The following C8orf34 variants were observed in gnomAD, a reference collection of about 807,000 sequenced individuals.
C8orf34 encodes the protein uncharacterized protein C8orf34.
Under a neutral mutation model 68.3 loss-of-function variants are expected in C8orf34, and 65 were observed. That is an observed-to-expected ratio of 0.95 (90% CI 0.78 to 1.17). The LOEUF is 1.17. C8orf34 is among the 50% of genes most tolerant of loss of function. The probability of loss-of-function intolerance (pLI) is 0.00; values close to 1 mark genes in which losing one functional copy is unlikely to be tolerated. For synonymous variants in C8orf34, 244 were observed against 241.2 expected, an observed-to-expected ratio of 1.01 and a Z score of -0.11; for missense variants, 664 against 655.4, an observed-to-expected ratio of 1.01 and a Z score of -0.14.
chr8:68,488,148 C>G (rs1222234386), intron 5 of C8orf34, 97 bp downstream of exon 5: 2 of 866,966 alleles, frequency 2.3e-6, no homozygotes, highest in Non-Finnish European at 3.5e-6. Context: ...ATAAAATGTT[C>G]AAGTATAATT....
chr8:68,740,604 T>G (rs1822261093), intron 10 of C8orf34, among the ~76,000 whole-genome samples: 1 of 152,140 alleles, frequency 6.6e-6, no homozygotes, highest in Admixed American at 6.6e-5. Flanking sequence ...CTGGTGGGGT[T>G]GCAGAGAAAA....
At chr8:68,605,962 G>C (rs868782389) in intron 7 of C8orf34, among the ~76,000 whole-genome samples, 5 of 152,162 alleles carry the variant, frequency 3.3e-5, no homozygotes, top group South Asian at 2.1e-4. Flanking sequence ...TGGTGTGTGT[G>C]GGGGGCAGGA....
intron 12 of C8orf34, among the ~76,000 whole-genome samples, chr8:68,804,279 T>C (rs898451931): frequency 7.2e-5 from 11 of 152,184 alleles, no homozygotes; most frequent in Admixed American, 3.3e-4. Flanking sequence ...AAAATACCCC[T>C]GAGGACAGAT....
intron 10 of C8orf34, among the ~76,000 whole-genome samples, chr8:68,727,646 C>G (rs1821870814): frequency 6.6e-6 from 1 of 152,246 alleles, no homozygotes. Context: ...CTTCCGAAAT[C>G]TAGGCAGAAG....
rs559461678 is a variant in C8orf34 at position 68,490,079 on chromosome 8, G to C, written c.765+2028G>C. On this transcript the variant is annotated intron_variant, in intron 5 of 13. Coordinates refer to ENST00000518698, the MANE Select transcript of C8orf34 (RefSeq NM_052958.4). ...TCTGCTTTTCTAGTCCCCCCTCTGTGTGCCTGTCATTGTCTCACCCCAGCT... is the reference window on the plus strand; with the variant it reads ...TCTGCTTTTCTAGTCCCCCCTCTGTCTGCCTGTCATTGTCTCACCCCAGCT... Among the ~76,000 whole-genome samples, 9 of 152,198 alleles carry C rather than the reference G, an allele frequency of 5.9e-5. No individual in the cohort carries two copies. The East Asian group carries it at 1.7e-3, about 29-fold the overall frequency.
chr8:68,629,259 T>C (rs1238488267), intron 7 of C8orf34, among the ~76,000 whole-genome samples: 1 of 152,162 alleles, frequency 6.6e-6, no homozygotes, highest in African/African-American at 2.4e-5. Flanking sequence ...GACGTCCATA[T>C]GTATATCTTG....
chr8:68,717,852 T>A (rs118074676), intron 9 of C8orf34, among the ~76,000 whole-genome samples: 1 of 152,280 alleles, frequency 6.6e-6, no homozygotes, highest in Non-Finnish European at 1.5e-5. Flanking sequence ...TACTCAAATC[T>A]ATTATAATGG....
At chr8:68,768,902 A>G (rs1044327229) in intron 10 of C8orf34, among the ~76,000 whole-genome samples, 1 of 149,058 alleles carries the variant, frequency 6.7e-6, no homozygotes. Context: ...TTTTTTTAGT[A>G]TCTTAAGTAT....
At chr8:68,701,025 CT>C (rs1749375398) in intron 8 of C8orf34, among the ~76,000 whole-genome samples, 4 of 152,252 alleles carry the variant, frequency 2.6e-5, no homozygotes. Flanking sequence ...AAAACCAAAA[CT>C]GTTTAATGTG....
At chr8:68,740,994 T>C (rs1157548397) in intron 10 of C8orf34, among the ~76,000 whole-genome samples, 2 of 152,082 alleles carry the variant, frequency 1.3e-5, no homozygotes, top group African/African-American at 4.8e-5. Context: ...AAGCCAAATA[T>C]TGTGTGTTCT....
intron 12 of C8orf34, chr8:68,791,017 T>A: frequency 1.7e-6 from 1 of 594,688 alleles, no homozygotes; most frequent in South Asian, 2.2e-5. Context: ...ATAAATAAGT[T>A]TGAATATAAA....
At position 68,794,367 on chromosome 8, in the gene C8orf34, C is replaced by T. The variant is rs184382180; in HGVS notation, c.1549+6831C>T. Among the ~76,000 whole-genome samples the T allele has an allele frequency of 1.7e-3, 255 of 148,650 alleles. 2 individuals carry two copies. In the East Asian group the frequency reaches 0.018, roughly 11 times the overall value. On this transcript the variant is annotated intron_variant, in intron 12 of 13. Transcript: ENST00000518698. ...TTTTATTTTTGTAGAAACAAGGTCTCGCTATATTGCCCAGGCTGGTCTCGA... is the reference window on the plus strand; with the variant it reads ...TTTTATTTTTGTAGAAACAAGGTCTTGCTATATTGCCCAGGCTGGTCTCGA...
At chr8:68,533,433 C>G (rs1815334451) in intron 7 of C8orf34, 2 of 1,079,414 alleles carry the variant, frequency 1.9e-6, no homozygotes, top group Admixed American at 5.1e-5. Flanking sequence ...CAACTGTGAT[C>G]AAAATTCAAG....
intron 7 of C8orf34, among the ~76,000 whole-genome samples, chr8:68,622,896 T>C (rs1474434583): frequency 6.6e-6 from 1 of 152,206 alleles, no homozygotes; most frequent in Non-Finnish European, 1.5e-5. Context: ...GTCATGACAT[T>C]TTCCATAAAA....
At chr8:68,634,116 G>A (rs907058161) in intron 7 of C8orf34, among the ~76,000 whole-genome samples, 8 of 152,146 alleles carry the variant, frequency 5.3e-5, no homozygotes, top group Non-Finnish European at 1.0e-4. Context: ...ATATGGGAAG[G>A]CTTACAGGTT....
chr8:68,588,159 G>T (rs751830607), intron 7 of C8orf34, among the ~76,000 whole-genome samples: 1 of 152,124 alleles, frequency 6.6e-6, no homozygotes, highest in Admixed American at 6.6e-5. Flanking sequence ...AATTTTGAGC[G>T]CATTTAAGGG....
chr8:68,646,270 A>C (rs563363572), intron 8 of C8orf34, among the ~76,000 whole-genome samples: 22 of 152,124 alleles, frequency 1.4e-4, no homozygotes, highest in African/African-American at 5.1e-4. Flanking sequence ...AAGAGCAAAA[A>C]TTTTAATTTA....
chr8:68,519,184 T>G (rs1814646300), intron 5 of C8orf34, among the ~76,000 whole-genome samples: 1 of 152,204 alleles, frequency 6.6e-6, no homozygotes, highest in African/African-American at 2.4e-5. Context: ...GTATGAGACC[T>G]TGACATTTAA....
rs374544262 is a variant in C8orf34 at position 68,461,993 on chromosome 8, A to G, written c.608-6699A>G. Among the ~76,000 whole-genome samples, 188 of 152,290 alleles carry G rather than the reference A, an allele frequency of 1.2e-3. 3 individuals are homozygous for G. The South Asian group carries it at 0.024, about 19-fold the overall frequency. On this transcript the variant is annotated intron_variant, in intron 3 of 13. Transcript: ENST00000518698. ...ATGCTCCAATTAAAAGACACAGACT[A>G]GCAAATTGGATAAAGAGTCAAGACC...
Sources: gnomAD v4.1 joint callset for allele counts (sites outside exome capture counted in the v4.1 genomes callset) on GRCh38, gnomAD v4.1.1 for gene constraint, MANE v1.5 for transcripts, NCBI Gene and HGNC (gene_info 2026-07-23, HGNC 2026-07-21) for gene names.